Variants in THADA observed in about 807,000 individuals in gnomAD.
The protein encoded by THADA is THADA armadillo repeat containing.
Under a neutral mutation model 219.8 loss-of-function variants are expected in THADA, and 213 were observed. The observed-to-expected ratio is 0.97, with a 90% CI of 0.87 to 1.09. THADA has a LOEUF of 1.09. Among genes scored for constraint, THADA ranks in the 50% least tolerant of loss-of-function variants. The probability of loss-of-function intolerance (pLI) is 0.00; values close to 1 mark genes in which losing one functional copy is unlikely to be tolerated. For missense variants in THADA, 2,956 were observed against 2,311.3 expected, an observed-to-expected ratio of 1.28 and a Z score of -5.72; for synonymous variants, 1,018 against 828.9, an observed-to-expected ratio of 1.23 and a Z score of -3.92.
chr2:43,231,150 C>A lies in THADA; in HGVS notation c.5660G>T (p.Arg1887Ile). The change falls in exon 38 of 38, where the codon AGA becomes ATA. Residue 1887 changes from arginine (R) to isoleucine (I), a missense_variant. Coordinates refer to ENST00000405975, the MANE Select transcript of THADA (RefSeq NM_022065.5). ...AAACTCAGCAGCTGGTGGAAGCTCT[C>A]TGAAGAACTGAGACAGGAGGTGGCA... ...EQCHLLSQFF[R>I]ELPPAAEFVK... 1 of 1,613,842 alleles carries A rather than the reference C, an allele frequency of 6.2e-7. No individual in the cohort carries two copies. The highest frequency in any genetic ancestry group is 2.2e-5 in the East Asian group (1 of 44,874).
chr2:43,526,918 GAA>G (rs11323109), intron 22 of THADA, among the ~76,000 whole-genome samples: 1 of 151,260 alleles, frequency 6.6e-6, no homozygotes, highest in African/African-American at 2.4e-5. Context: ...TGTTTTGAGG[GAA>G]AAAAAAGTTC....
Position 43,331,915 on chromosome 2 carries a change from T to C in THADA, c.4344-11375A>G, listed in dbSNP as rs1665815050. ...CAACAAAGACTCCATTATATATATC[T>C]AATACACACACACACACACACACAC... On this transcript the variant is annotated intron_variant, in intron 30 of 37. Transcript: ENST00000405975. 3.2e-5 allele frequency among the ~76,000 whole-genome samples: 3 copies of C among 94,714 alleles called. No individual in the cohort carries two copies. In the South Asian group the frequency reaches 1.0e-3, roughly 32 times the overall value. 62.1% of individuals were successfully genotyped at this position (94,714 alleles called of 152,430 possible). A position where few individuals can be genotyped will look rare whatever the true frequency, so the allele number is the denominator to read the frequency against.
chr2:43,534,692 C>T (rs988866816), intron 21 of THADA, among the ~76,000 whole-genome samples: 1 of 152,160 alleles, frequency 6.6e-6, no homozygotes, highest in Non-Finnish European at 1.5e-5. Flanking sequence ...TATATATACA[C>T]CACATTTCTT....
At chr2:43,462,016 T>C (rs1683698995) in intron 26 of THADA, among the ~76,000 whole-genome samples, 1 of 152,148 alleles carries the variant, frequency 6.6e-6, no homozygotes, top group South Asian at 2.1e-4. Context: ...TACCTTAACA[T>C]TTACCAAATA....
At chr2:43,545,851 G>A (rs1043579937) in intron 20 of THADA, among the ~76,000 whole-genome samples, 10 of 152,018 alleles carry the variant, frequency 6.6e-5, no homozygotes, top group African/African-American at 2.4e-4. Context: ...TTTTTTGAAG[G>A]GTTTTTTGTG....
At chr2:43,515,135 A>T (rs1187999620) in intron 22 of THADA, among the ~76,000 whole-genome samples, 17 of 4,658 alleles carry the variant, frequency 3.6e-3, no homozygotes, top group African/African-American at 0.018. Context: ...TTTTATATAT[A>T]ATATATAATA....
At chr2:43,559,195 A>G (rs1046068824) in intron 16 of THADA, among the ~76,000 whole-genome samples, 13 of 152,216 alleles carry the variant, frequency 8.5e-5, no homozygotes, top group African/African-American at 3.1e-4. Context: ...AACAAAAGTT[A>G]GCAGCCTGAG....
rs577078840 is a variant in THADA at position 43,559,183 on chromosome 2, G to A, written c.2463+1051C>T. Among the ~76,000 whole-genome samples the A allele has an allele frequency of 9.3e-4, 141 of 152,300 alleles. 1 individual carries two copies. Among genetic ancestry groups the A allele is most frequent in the African/African-American group, 3.3e-3 (138 of 41,562 alleles). ...ATCTCCTCTTTAAAAACTGTGTATG[G>A]TAACAAAAGTTAGCAGCCTGAGCAC... is the stretch of plus-strand genomic sequence containing the variant. On this transcript the variant is annotated intron_variant, in intron 16 of 37. Transcript: ENST00000405975.
chr2:43,560,328 G>A lies in THADA; in HGVS notation c.2369C>T (p.Thr790Ile). 2 of 1,612,168 alleles carry A rather than the reference G, an allele frequency of 1.2e-6. No individual in the cohort carries two copies. The highest frequency in any genetic ancestry group is 4.5e-5 in the East Asian group (2 of 44,760). Residue 790 changes from threonine to isoleucine, a missense_variant, in exon 16 of 38, where the codon ACA (threonine) becomes ATA (isoleucine). Thr to Ile is a moderately conservative substitution (Grantham distance 89). Transcript: ENST00000405975. ...SHDIDVGRFQ[T>I]LMECFTSTFE... ...AGTGCTGGTAAAACATTCCATTAGT[G>A]TTTGGAAACGACCAACATCAATATC... is the stretch of plus-strand genomic sequence containing the variant.
intron 36 of THADA, among the ~76,000 whole-genome samples, chr2:43,272,531 T>A (rs1347660981): frequency 1.3e-5 from 2 of 152,036 alleles, no homozygotes; most frequent in Admixed American, 6.6e-5. Flanking sequence ...CCACTTCTCA[T>A]CTCATACTTA....
intron 19 of THADA, among the ~76,000 whole-genome samples, chr2:43,550,282 T>C (rs569466882): frequency 5.9e-5 from 9 of 152,332 alleles, no homozygotes; most frequent in Non-Finnish European, 8.8e-5. Context: ...ATCTATTATT[T>C]TGACTTATAT....
intron 36 of THADA, among the ~76,000 whole-genome samples, chr2:43,239,570 A>G (rs1434289452): frequency 1.3e-5 from 2 of 152,266 alleles, no homozygotes; most frequent in Non-Finnish European, 2.9e-5. Flanking sequence ...TCCAGGTGCC[A>G]ACCTTGAAAA....
intron 21 of THADA, among the ~76,000 whole-genome samples, chr2:43,535,338 A>T (rs2103777951): frequency 6.6e-6 from 1 of 151,566 alleles, no homozygotes; most frequent in Middle Eastern, 3.4e-3. Context: ...AGTTTGATAT[A>T]ATCCCACTTA....
chr2:43,307,076 T>G (rs1676948744), intron 31 of THADA, among the ~76,000 whole-genome samples: 1 of 152,216 alleles, frequency 6.6e-6, no homozygotes, highest in Non-Finnish European at 1.5e-5. Flanking sequence ...GAACTGTCCT[T>G]CCACCATAAA....
intron 26 of THADA, among the ~76,000 whole-genome samples, chr2:43,463,439 A>T (rs1683868714): frequency 6.6e-6 from 1 of 152,236 alleles, no homozygotes; most frequent in South Asian, 2.1e-4. Flanking sequence ...TTGACAGGTC[A>T]GTTATTAACT....
intron 29 of THADA, among the ~76,000 whole-genome samples, chr2:43,394,037 A>C (rs952282663): frequency 6.6e-6 from 1 of 152,222 alleles, no homozygotes; most frequent in African/African-American, 2.4e-5. Flanking sequence ...CAACAAAAAC[A>C]GAAGGTTAAA....
At chr2:43,410,168 A>T (rs765374175) in intron 28 of THADA, among the ~76,000 whole-genome samples, 4 of 152,208 alleles carry the variant, frequency 2.6e-5, no homozygotes, top group Non-Finnish European at 5.9e-5. Flanking sequence ...GACGTTAGTA[A>T]AGTTTAAATT....
At chr2:43,372,663 T>C (rs1670940288) in intron 29 of THADA, among the ~76,000 whole-genome samples, 1 of 152,228 alleles carries the variant, frequency 6.6e-6, no homozygotes, top group African/African-American at 2.4e-5. Flanking sequence ...GCCTGTTTCA[T>C]GTCACCAAAA....
At chr2:43,485,096 G>A in intron 26 of THADA, 138 bp downstream of exon 26, 1 of 613,162 alleles carries the variant, frequency 1.6e-6, no homozygotes, top group Non-Finnish European at 2.7e-6. Flanking sequence ...GGCAGCATAG[G>A]TTAATTCATT....
Sources: gnomAD v4.1 joint callset for allele counts (sites outside exome capture counted in the v4.1 genomes callset) on GRCh38, gnomAD v4.1.1 for gene constraint, MANE v1.5 for transcripts, NCBI Gene and HGNC (gene_info 2026-07-23, HGNC 2026-07-21) for gene names.